IQSEC1: variants seen among roughly 807,000 people sequenced by gnomAD.
The protein encoded by IQSEC1 is IQ motif and Sec7 domain ArfGEF 1, also known as IQ motif and SEC7 domain-containing protein 1.
Under a neutral mutation model 91.0 loss-of-function variants are expected in IQSEC1, and 31 were observed. That is an observed-to-expected ratio of 0.34 (90% confidence interval 0.26 to 0.46). IQSEC1 has a LOEUF of 0.46. Among genes scored for constraint, IQSEC1 ranks in the 20% least tolerant of loss-of-function variants. IQSEC1 has a pLI of 1.00. For missense variants in IQSEC1, 1,388 were observed against 1,575.6 expected (o/e 0.88, Z 2.02); for synonymous variants, 699 against 662.6 (o/e 1.05, Z -0.84).
intron 1 of IQSEC1, among the ~76,000 whole-genome samples, chr3:13,243,946 C>T (rs1212425516): frequency 6.6e-6 from 1 of 152,248 alleles, no homozygotes; most frequent in African/African-American, 2.4e-5. Flanking sequence ...TGTCTGCCCA[C>T]AGATGGCCAC....
chr3:13,256,488 T>A (rs566395406), intron 1 of IQSEC1, among the ~76,000 whole-genome samples: 199 of 152,322 alleles, frequency 1.3e-3, no homozygotes, highest in African/African-American at 3.8e-3. Flanking sequence ...ATCAGCCCCA[T>A]CCTTATCCCC....
chr3:12,980,015 C>T (rs1477104097), intron 1 of IQSEC1, among the ~76,000 whole-genome samples: 1 of 152,244 alleles, frequency 6.6e-6, no homozygotes, highest in Non-Finnish European at 1.5e-5. Context: ...CTGTTCCACT[C>T]TTCCTGGGAA....
intron 2 of IQSEC1, among the ~76,000 whole-genome samples, chr3:13,134,264 G>T (rs1403322156): frequency 6.6e-6 from 1 of 152,234 alleles, no homozygotes; most frequent in African/African-American, 2.4e-5. Flanking sequence ...CATCCCACAG[G>T]CCATGTTCTC....
chr3:13,026,800 G>C (rs1172560455), intron 1 of IQSEC1, among the ~76,000 whole-genome samples: 1 of 151,382 alleles, frequency 6.6e-6, no homozygotes, highest in Non-Finnish European at 1.5e-5. Context: ...GAGCAGGTGA[G>C]GAGATCTATG....
intron 1 of IQSEC1, among the ~76,000 whole-genome samples, chr3:13,269,161 C>A (rs1229936453): frequency 4.6e-5 from 7 of 152,168 alleles, no homozygotes; most frequent in Non-Finnish European, 1.0e-4. Flanking sequence ...AGGCACTTGG[C>A]CACCGGCTCA....
chr3:13,046,880 T>C (rs539272660), intron 1 of IQSEC1, among the ~76,000 whole-genome samples: 1 of 152,338 alleles, frequency 6.6e-6, no homozygotes, highest in African/African-American at 2.4e-5. Context: ...CACTTGTCTT[T>C]CTTGCCCACG....
At chr3:13,095,729 C>T (rs3856816) in intron 2 of IQSEC1, among the ~76,000 whole-genome samples, 55,115 of 151,888 alleles carry the variant, frequency 0.36, 10,453 homozygotes, top group East Asian at 0.51. Context: ...CCTGTCGGGA[C>T]GGGCAATTTG....
intron 1 of IQSEC1, among the ~76,000 whole-genome samples, chr3:13,020,604 T>C (rs1256744474): frequency 6.6e-6 from 1 of 152,252 alleles, no homozygotes; most frequent in Admixed American, 6.5e-5. Flanking sequence ...ATATCTCTGT[T>C]CTGTTCTATT....
chr3:13,165,537 C>G lies in IQSEC1; in HGVS notation c.273-1404G>C, dbSNP rs184843. 1.8e-3 allele frequency among the ~76,000 whole-genome samples: 119 copies of G among 66,674 alleles called. 1 individual carries two copies. The highest frequency in any genetic ancestry group is 6.3e-3 in the African/African-American group (111 of 17,582). 43.7% of individuals were successfully genotyped at this position (66,674 alleles called of 152,430 possible). A position where few individuals can be genotyped will look rare whatever the true frequency, so the allele number is the denominator to read the frequency against. Reference sequence around the variant, plus strand: ...GGGGGGGTGGGGGGTGGGGGGGTGGCGTGTGTGTGTGTGTGTGTGTGTGTG... The same window carrying G: ...GGGGGGGTGGGGGGTGGGGGGGTGGGGTGTGTGTGTGTGTGTGTGTGTGTG... On this transcript the variant is annotated intron_variant, in intron 1 of 15. Transcript: ENST00000648114.
At chr3:13,272,663 G>A (rs1391727072) in intron 1 of IQSEC1, among the ~76,000 whole-genome samples, 2 of 152,174 alleles carry the variant, frequency 1.3e-5, no homozygotes, top group Non-Finnish European at 2.9e-5. Flanking sequence ...GGCAACTGCT[G>A]AGCTGGGTAA....
chr3:12,998,700 A>G (rs563889475), intron 1 of IQSEC1, among the ~76,000 whole-genome samples: 2 of 152,324 alleles, frequency 1.3e-5, no homozygotes, highest in African/African-American at 2.4e-5. Flanking sequence ...TGGTACCTGC[A>G]TATGTTGTCT....
intron 1 of IQSEC1, among the ~76,000 whole-genome samples, chr3:12,958,344 C>T (rs765470026): frequency 2.6e-5 from 4 of 152,170 alleles, no homozygotes; most frequent in African/African-American, 4.8e-5. Flanking sequence ...AGCTCTTCCC[C>T]GGCAACTGTC....
intron 1 of IQSEC1, among the ~76,000 whole-genome samples, chr3:13,000,666 G>A (rs1246544174): frequency 2.0e-5 from 3 of 152,232 alleles, no homozygotes; most frequent in African/African-American, 7.2e-5. Flanking sequence ...GCAGAGGGAA[G>A]GCTGAAGCCA....
rs1187734148 is a variant in IQSEC1 at position 13,207,438 on chromosome 3, A to C, written c.273-43305T>G. Among the ~76,000 whole-genome samples the C allele has an allele frequency of 7.1e-6, 1 of 140,634 alleles. No homozygotes were observed. The highest frequency in any genetic ancestry group is 1.6e-5 in the Non-Finnish European group (1 of 61,728). 92.3% of individuals were successfully genotyped at this position (140,634 alleles called of 152,430 possible). Reference sequence around the variant, plus strand: ...GGACGGCTTCCCTCTGGCCACCCCCAGACCCCCTGCTGCCATTCTAACTCT... The same window carrying C: ...GGACGGCTTCCCTCTGGCCACCCCCCGACCCCCTGCTGCCATTCTAACTCT... On this transcript the variant is annotated intron_variant, in intron 1 of 15. Transcript: ENST00000648114. The surrounding 1 kb of genome is among the most constrained non-coding windows in gnomAD (Gnocchi z 4.8).
chr3:13,280,482 C>G (rs1467901460), intron 1 of IQSEC1, among the ~76,000 whole-genome samples: 1 of 152,224 alleles, frequency 6.6e-6, no homozygotes, highest in Non-Finnish European at 1.5e-5. Context: ...CCCTGTGAGT[C>G]TCCTGTGAGG....
intron 2 of IQSEC1, among the ~76,000 whole-genome samples, chr3:13,122,792 T>G (rs1161357525): frequency 4.4e-4 from 67 of 152,174 alleles, no homozygotes; most frequent in Non-Finnish European, 1.9e-4. Flanking sequence ...ATGCCAGGAT[T>G]CAAATCCACA....
chr3:13,099,412 T>C (rs62232954), intron 2 of IQSEC1, among the ~76,000 whole-genome samples: 4,866 of 152,100 alleles, frequency 0.032, 80 homozygotes, highest in African/African-American at 0.037. Context: ...GGAAAAATGG[T>C]TTTTAGGCTC....
intron 1 of IQSEC1, among the ~76,000 whole-genome samples, chr3:13,016,226 G>C (rs1049587361): frequency 1.3e-5 from 2 of 152,226 alleles, no homozygotes; most frequent in African/African-American, 4.8e-5. Context: ...TCCGGGCCCA[G>C]GCCCCTCCTC....
intron 1 of IQSEC1, among the ~76,000 whole-genome samples, chr3:13,194,692 G>C (rs1471750659): frequency 6.6e-6 from 1 of 152,048 alleles, no homozygotes; most frequent in Non-Finnish European, 1.5e-5. Context: ...CAAAGACTGA[G>C]AGGCGAGGTC....
Sources: allele counts gnomAD v4.1 joint callset (sites outside exome capture counted in the v4.1 genomes callset), GRCh38; gene constraint gnomAD v4.1.1; non-coding constraint Gnocchi (gnomAD v3.1); transcripts MANE v1.5; gene names NCBI Gene and HGNC (gene_info 2026-07-23, HGNC 2026-07-21).